The following FAM107A variants were observed in gnomAD, a reference collection of about 807,000 sequenced individuals.
The protein encoded by FAM107A is family with sequence similarity 107 member A, also known as actin-associated protein FAM107A.
A neutral mutation model predicts 13.7 loss-of-function variants in FAM107A; 19 were observed. The ratio of observed to expected loss-of-function variants is 1.38; its 90% CI spans 0.97 to 2.03. The LOEUF is 2.03. FAM107A is among the 30% of genes most tolerant of loss of function. The pLI, the probability that FAM107A is intolerant of heterozygous loss-of-function variation, is 0.00. For missense variants in FAM107A, 203 were observed against 184.4 expected, an observed-to-expected ratio of 1.10 and a Z score of -0.58; for synonymous variants, 82 against 74.5, an observed-to-expected ratio of 1.10 and a Z score of -0.52.
chr3:58,591,465 A>G (rs1452550808), upstream of FAM107A, among the ~76,000 whole-genome samples: 1 of 152,080 alleles, frequency 6.6e-6, no homozygotes, highest in Non-Finnish European at 1.5e-5. This position sits in a 1 kb window ranked among gnomAD's most constrained non-coding sequence, Gnocchi z 4.3. Context: ...GGGCAGTCAC[A>G]TGAGAGAAGG....
In FAM107A at chr3:58,616,526, AACACAC is replaced by A. The variant is rs59230021; in HGVS notation, c.-70+10884_-70+10889del. Among the ~76,000 whole-genome samples, 990 of 137,844 alleles carry A rather than the reference AACACAC, an allele frequency of 7.2e-3. 10 individuals carry two copies. Among genetic ancestry groups the A allele is most frequent in the African/African-American group, 0.02 (718 of 36,662 alleles). The allele number at this position is 137,844 out of a possible 152,430, so 90.4% of individuals were successfully genotyped here. A position where few individuals can be genotyped will look rare whatever the true frequency, so the allele number is the denominator to read the frequency against. ...CTGACTGGTGTCCTTATAAGAGGAG[AACACAC>A]ACACACACACACACACACACACACA... On this transcript the variant is annotated intron_variant, in intron 1 of 3. Transcript: ENST00000465970.
Position 58,565,867 on chromosome 3 carries a change from G to C in FAM107A, c.*721C>G, listed in dbSNP as rs918206871. 1.3e-5 allele frequency: 2 copies of C among 152,306 alleles called. No individual in the cohort carries two copies. The highest frequency in any genetic ancestry group is 6.5e-5 in the Admixed American group (1 of 15,298). 9.4% of individuals were successfully genotyped at this position (152,306 alleles called of 1,614,324 possible). A position where few individuals can be genotyped will look rare whatever the true frequency, so the allele number is the denominator to read the frequency against. ...AAGCTGTATTAACAAGATCCCCAGTGATTTTTATGCACAATCAAGTTTGTG... is the reference window on the plus strand; with the variant it reads ...AAGCTGTATTAACAAGATCCCCAGTCATTTTTATGCACAATCAAGTTTGTG... On this transcript the variant is annotated 3_prime_UTR_variant, in exon 4 of 4. Transcript: ENST00000360997.
At chr3:58,576,749 A>T (rs2063734161) in intron 1 of FAM107A, among the ~76,000 whole-genome samples, 1 of 152,248 alleles carries the variant, frequency 6.6e-6, no homozygotes. Context: ...TGTGCCATGC[A>T]CTGTGCTAAG....
upstream of FAM107A, among the ~76,000 whole-genome samples, chr3:58,590,631 G>A (rs1334696232): frequency 2.6e-5 from 4 of 152,206 alleles, no homozygotes; most frequent in Non-Finnish European, 4.4e-5. Context: ...TTACATGGCA[G>A]CAGGAGAGAC....
At chr3:58,578,154 T>G (rs1252063118), upstream of FAM107A, among the ~76,000 whole-genome samples, 1 of 152,150 alleles carries the variant, frequency 6.6e-6, no homozygotes, top group Non-Finnish European at 1.5e-5. Flanking sequence ...ATATAGGACT[T>G]TTCTCCAAGA....
chr3:58,567,636 T>C (rs890120541), intron 2 of FAM107A, among the ~76,000 whole-genome samples: 2 of 152,200 alleles, frequency 1.3e-5, no homozygotes, highest in Admixed American at 1.3e-4. Context: ...TTTTATGTTA[T>C]TTCTGGTTAT....
chr3:58,618,066 T>G (rs2065920133), intron 1 of FAM107A, among the ~76,000 whole-genome samples: 1 of 152,134 alleles, frequency 6.6e-6, no homozygotes, highest in South Asian at 2.1e-4. Context: ...GTGGTGAGGA[T>G]TCCATGGAAG....
intron 1 of FAM107A, among the ~76,000 whole-genome samples, chr3:58,598,347 G>C (rs921989633): frequency 6.6e-6 from 1 of 152,206 alleles, no homozygotes; most frequent in African/African-American, 2.4e-5. Flanking sequence ...CCGAGGTGCA[G>C]TAATGAGGGC....
intron 1 of FAM107A, among the ~76,000 whole-genome samples, chr3:58,622,156 A>G (rs760741074): frequency 3.9e-5 from 6 of 152,174 alleles, no homozygotes; most frequent in Non-Finnish European, 5.9e-5. Context: ...AGCATGAAAA[A>G]GCATTTAGGG....
intron 1 of FAM107A, among the ~76,000 whole-genome samples, chr3:58,572,470 G>T (rs1331324305): frequency 6.6e-6 from 1 of 152,172 alleles, no homozygotes; most frequent in Non-Finnish European, 1.5e-5. Flanking sequence ...GGGGCCTAGG[G>T]AACAGCATGT....
At chr3:58,609,497 G>A (rs1050435154) in intron 1 of FAM107A, among the ~76,000 whole-genome samples, 1 of 152,074 alleles carries the variant, frequency 6.6e-6, no homozygotes, top group African/African-American at 2.4e-5. Context: ...TGAAAAAATG[G>A]CTGGTACAGC....
At chr3:58,593,140 A>G (rs1024839773) in intron 1 of FAM107A, among the ~76,000 whole-genome samples, 11 of 152,278 alleles carry the variant, frequency 7.2e-5, no homozygotes, top group African/African-American at 2.6e-4. Flanking sequence ...AGCTGTGTCC[A>G]TTGGACAGCC....
intron 1 of FAM107A, among the ~76,000 whole-genome samples, chr3:58,583,384 A>G (rs1249117988): frequency 6.6e-6 from 1 of 152,158 alleles, no homozygotes. Context: ...GCACTTTGGG[A>G]GGCCAAGGCG....
chr3:58,610,607 A>G (rs536991506), intron 1 of FAM107A, among the ~76,000 whole-genome samples: 8 of 152,352 alleles, frequency 5.3e-5, no homozygotes, highest in African/African-American at 1.9e-4. Context: ...AGAAGATGAA[A>G]TGAGATAACT....
At chr3:58,588,350 C>A (rs1425832917), upstream of FAM107A, among the ~76,000 whole-genome samples, 1 of 152,238 alleles carries the variant, frequency 6.6e-6, no homozygotes, top group South Asian at 2.1e-4. Context: ...TCAAGGCCAA[C>A]TGTTGGCCAA....
intron 1 of FAM107A, among the ~76,000 whole-genome samples, chr3:58,595,736 A>G (rs1022975875): frequency 6.6e-6 from 1 of 152,150 alleles, no homozygotes. Flanking sequence ...TCACTTGCAC[A>G]CCTGCCAACC....
chr3:58,582,508 T>C (rs2065559377), upstream of FAM107A, among the ~76,000 whole-genome samples: 1 of 152,220 alleles, frequency 6.6e-6, no homozygotes, highest in African/African-American at 2.4e-5. Flanking sequence ...TACTGGACTG[T>C]ATTGCCTCCC....
At position 58,569,546 on chromosome 3, in the gene FAM107A, G is replaced by T. The variant is rs781769510; in HGVS notation, c.170+145C>A. 1 of 686,166 alleles carries T rather than the reference G, an allele frequency of 1.5e-6. No individual in the cohort carries two copies. 42.5% of individuals were successfully genotyped at this position (686,166 alleles called of 1,614,324 possible). On this transcript the variant is annotated intron_variant, in intron 2 of 3. Coordinates refer to ENST00000360997, the MANE Select transcript of FAM107A (RefSeq NM_001076778.3). The surrounding 1 kb of genome is among the most constrained non-coding windows in gnomAD (Gnocchi z 5.7). ...GGACAGGGTCTTTACAGGTTTTGCC[G>T]GTGATCATGTGGGGCACCTCAGCCT...
At chr3:58,597,157 C>T (rs540831250) in intron 1 of FAM107A, among the ~76,000 whole-genome samples, 1 of 152,294 alleles carries the variant, frequency 6.6e-6, no homozygotes, top group East Asian at 1.9e-4. Flanking sequence ...CTGCTATGAA[C>T]AACTTTCCAT....
Sources: gnomAD v4.1 joint callset for allele counts (sites outside exome capture counted in the v4.1 genomes callset) on GRCh38, gnomAD v4.1.1 for gene constraint, Gnocchi (gnomAD v3.1) non-coding constraint, MANE v1.5 for transcripts, NCBI Gene and HGNC (gene_info 2026-07-23, HGNC 2026-07-21) for gene names.